RNF150: variants seen among roughly 807,000 people sequenced by gnomAD.
RNF150 encodes the protein ring finger protein 150.
In RNF150, 24 loss-of-function variants were observed where a neutral mutation model predicts 39.3. The observed-to-expected ratio is 0.61, with a 90% confidence interval of 0.44 to 0.86. The LOEUF (loss-of-function observed/expected upper bound fraction) is 0.86, where lower values mean the gene tolerates loss of function less well. RNF150 is among the 40% of genes least tolerant of loss of function. RNF150 has a pLI of 0.00. For synonymous variants in RNF150, 255 were observed against 227.3 expected, an observed-to-expected ratio of 1.12 and a Z score of -1.10; for missense variants, 502 against 587.8, an observed-to-expected ratio of 0.85 and a Z score of 1.51.
intron 1 of RNF150, among the ~76,000 whole-genome samples, chr4:141,104,105 G>C (rs1006597910): frequency 6.6e-6 from 1 of 152,186 alleles, no homozygotes; most frequent in Non-Finnish European, 1.5e-5. Flanking sequence ...CTAGGGGAAA[G>C]GAGTGAAGGT....
intron 1 of RNF150, among the ~76,000 whole-genome samples, chr4:141,192,582 T>G (rs1202942457): frequency 6.6e-6 from 1 of 152,110 alleles, no homozygotes; most frequent in Non-Finnish European, 1.5e-5. Flanking sequence ...CAACAGAGAC[T>G]CTCAGATGAG....
At chr4:140,973,059 T>C (rs895531135) in intron 1 of RNF150, among the ~76,000 whole-genome samples, 4 of 152,140 alleles carry the variant, frequency 2.6e-5, no homozygotes, top group Non-Finnish European at 4.4e-5. Flanking sequence ...AATTATGTTA[T>C]TAAAATTAGA....
At chr4:141,156,269 A>G (rs1286469153) in intron 1 of RNF150, among the ~76,000 whole-genome samples, 9 of 152,060 alleles carry the variant, frequency 5.9e-5, no homozygotes, top group African/African-American at 1.2e-4. Flanking sequence ...ATGCATATGA[A>G]GATTATAGTA....
chr4:140,932,293 T>C (rs1290506465), intron 4 of RNF150, among the ~76,000 whole-genome samples: 2 of 152,220 alleles, frequency 1.3e-5, no homozygotes, highest in Admixed American at 1.3e-4. Context: ...AACACTGACA[T>C]TAATGTCAGT....
Position 141,068,083 on chromosome 4 carries a change from C to T in RNF150, c.484+64242G>A, listed in dbSNP as rs564596373. On this transcript the variant is annotated intron_variant, in intron 1 of 6. Transcript: ENST00000515673. ...GCCTCAGTCTCCTGAGTAGCTGGGA[C>T]TCCAAGTATGCGTCACCATGCCCAG... is the stretch of plus-strand genomic sequence containing the variant. Among the ~76,000 whole-genome samples the T allele has an allele frequency of 5.9e-5, 9 of 151,992 alleles. No individual in the cohort carries two copies. In the East Asian group the frequency reaches 1.4e-3, roughly 23 times the overall value.
chr4:141,027,235 C>T lies in RNF150; in HGVS notation c.485-59362G>A, dbSNP rs535966495. ...TGGAGAAGTGTCTCTGATTCTGGAACCTTCTTGCTTCAAAAGGAATAGAGT... is the reference window on the plus strand; with the variant it reads ...TGGAGAAGTGTCTCTGATTCTGGAATCTTCTTGCTTCAAAAGGAATAGAGT... On this transcript the variant is annotated intron_variant, in intron 1 of 6. Transcript: ENST00000515673. Among the ~76,000 whole-genome samples, 4 of 152,278 alleles carry T rather than the reference C, an allele frequency of 2.6e-5. No homozygotes were observed. In the East Asian group the frequency reaches 5.8e-4, roughly 22 times the overall value.
intron 1 of RNF150, among the ~76,000 whole-genome samples, chr4:140,969,850 C>T (rs1733394759): frequency 6.8e-6 from 1 of 147,880 alleles, no homozygotes; most frequent in Admixed American, 7.1e-5. Flanking sequence ...CAACCTCTGC[C>T]TCCCAGATTC....
rs549799893 is a variant in RNF150 at position 140,863,250 on chromosome 4, G to A, written c.*5011C>T. 1 of 152,142 alleles carries A rather than the reference G, an allele frequency of 6.6e-6. No homozygotes were observed. Among genetic ancestry groups the A allele is most frequent in the Non-Finnish European group, 1.5e-5 (1 of 68,028 alleles). The allele number at this position is 152,142 out of a possible 1,614,324, so 9.4% of individuals were successfully genotyped here. A position where few individuals can be genotyped will look rare whatever the true frequency, so the allele number is the denominator to read the frequency against. The stretch of plus-strand genomic sequence containing the variant: ...CAAATGCTGAGGGTGGGAGAAAGCA[G>A]ATCTAGACAGCATTCTGGAATTGTT... On this transcript the variant is annotated 3_prime_UTR_variant, in exon 7 of 7. Transcript: ENST00000515673.
chr4:141,166,417 G>A (rs1017928640), intron 1 of RNF150, among the ~76,000 whole-genome samples: 2 of 152,236 alleles, frequency 1.3e-5, no homozygotes, highest in East Asian at 3.9e-4. Flanking sequence ...TCCAAACAAT[G>A]GGAAAAGAGG....
intron 6 of RNF150, among the ~76,000 whole-genome samples, chr4:140,880,940 G>A (rs1204916728): frequency 1.3e-5 from 2 of 151,892 alleles, no homozygotes; most frequent in Non-Finnish European, 2.9e-5. Context: ...TGTCAATTTG[G>A]TTGATCCTTT....
In RNF150 at chr4:140,873,984, G is replaced by A. The variant is rs557056979; in HGVS notation, c.1199-5605C>T. Among the ~76,000 whole-genome samples the A allele has an allele frequency of 2.0e-5, 3 of 152,132 alleles. No homozygotes were observed. In the South Asian group the frequency reaches 6.2e-4, roughly 32 times the overall value. On this transcript the variant is annotated intron_variant, in intron 6 of 6. Coordinates refer to ENST00000515673, the MANE Select transcript of RNF150 (RefSeq NM_020724.2). ...CCCGGCCTATTCTATTTTAAATGGA[G>A]CTTTGTGACCTACTTTGTTCTCAAA...
At chr4:140,967,906 G>C in intron 1 of RNF150, 33 bp from the exon 2 acceptor site, 1 of 1,603,320 alleles carries the variant, frequency 6.2e-7, no homozygotes, top group Non-Finnish European at 8.5e-7. Flanking sequence ...GGGCAATAAA[G>C]GTTAGGGGAT....
chr4:141,170,540 A>G (rs967764967), intron 1 of RNF150, among the ~76,000 whole-genome samples: 4 of 152,182 alleles, frequency 2.6e-5, no homozygotes, highest in Non-Finnish European at 4.4e-5. Flanking sequence ...AATGAAATCT[A>G]TTAGAATTTT....
Position 141,165,860 on chromosome 4 carries a change from T to C in RNF150, c.-6+46934A>G, listed in dbSNP as rs144526286. Among the ~76,000 whole-genome samples the C allele has an allele frequency of 2.4e-3, 362 of 151,978 alleles. 13 individuals carry two copies. In the East Asian group the frequency reaches 0.06, roughly 25 times the overall value. On this transcript the variant is annotated intron_variant, in intron 1 of 7. Coordinates refer to the RNF150 transcript ENST00000420921. ...AGGAGAAAGCAGGAAAGATCTAAAA[T>C]TGACACCCTAACATCACAATTAAAA... is the stretch of plus-strand genomic sequence containing the variant.
intron 1 of RNF150, among the ~76,000 whole-genome samples, chr4:141,171,034 C>A (rs1727708310): frequency 6.6e-6 from 1 of 152,094 alleles, no homozygotes; most frequent in Admixed American, 6.6e-5. Flanking sequence ...AAATCACAGA[C>A]TTCTGGACTA....
chr4:141,083,639 AT>A (rs995818360), intron 1 of RNF150, among the ~76,000 whole-genome samples: 1 of 151,906 alleles, frequency 6.6e-6, no homozygotes, highest in Admixed American at 6.6e-5. Context: ...AAGACAGTCC[AT>A]TTTTCCCTTC....
chr4:141,010,098 G>A (rs945083739), intron 1 of RNF150, among the ~76,000 whole-genome samples: 1 of 152,214 alleles, frequency 6.6e-6, no homozygotes, highest in South Asian at 2.1e-4. Context: ...GAAAGACAAT[G>A]AGCACTTGCA....
chr4:140,955,871 G>A (rs3909595), intron 2 of RNF150, among the ~76,000 whole-genome samples: 44,295 of 151,970 alleles, frequency 0.29, 6,511 homozygotes, highest in Middle Eastern at 0.38. Context: ...AAATATCAAT[G>A]TGCAATGCGT....
Position 141,132,632 on chromosome 4 carries a change from C to A in RNF150, c.177G>T (p.Ala59=), listed in dbSNP as rs776315124. The change falls in exon 1 of 7, where the codon GCG becomes GCT. Residue 59 remains alanine, a synonymous_variant. Coordinates refer to ENST00000515673, the MANE Select transcript of RNF150 (RefSeq NM_020724.2). The surrounding 1 kb of genome is among the most constrained non-coding windows in gnomAD (Gnocchi z 4.9). ...GCAGCTCCGCGCCGCCGCCGCCCGC[C>A]GCCCCGGCCCCGGGGTCCGGCGCGG... ...AEPAPDPGAG[A]AGGGGAELHT... The A allele has an allele frequency of 6.4e-7, 1 of 1,574,736 alleles. No individual in the cohort carries two copies. The highest frequency in any genetic ancestry group is 1.4e-5 in the African/African-American group (1 of 72,232).
Sources: allele counts gnomAD v4.1 joint callset (sites outside exome capture counted in the v4.1 genomes callset), GRCh38; gene constraint gnomAD v4.1.1; non-coding constraint Gnocchi (gnomAD v3.1); transcripts MANE v1.5; gene names NCBI Gene and HGNC (gene_info 2026-07-23, HGNC 2026-07-21).